Variants in GALNTL6 observed in about 807,000 individuals in gnomAD.
The protein encoded by GALNTL6 is polypeptide N-acetylgalactosaminyltransferase like 6.
GALNTL6 carries 46 observed loss-of-function variants against 73.7 expected under a neutral mutation model. The ratio of observed to expected loss-of-function variants is 0.62; its 90% confidence interval spans 0.49 to 0.80. GALNTL6 has a LOEUF of 0.80. Ranked by LOEUF, GALNTL6 falls within the 30% of genes least tolerant of loss-of-function variation. The pLI, the probability that GALNTL6 is intolerant of heterozygous loss-of-function variation, is 0.00. For missense variants in GALNTL6, 604 were observed against 755.0 expected (o/e 0.80, Z 2.34); for synonymous variants, 259 against 263.7 (o/e 0.98, Z 0.17).
At chr4:172,011,576 C>T (rs915502000) in intron 2 of GALNTL6, among the ~76,000 whole-genome samples, 2 of 151,872 alleles carry the variant, frequency 1.3e-5, no homozygotes, top group Admixed American at 1.3e-4. Context: ...TTTTAGGGCA[C>T]TTTTATTTTT....
At chr4:172,528,248 G>C (rs1190931429) in intron 5 of GALNTL6, among the ~76,000 whole-genome samples, 1 of 148,186 alleles carries the variant, frequency 6.7e-6, no homozygotes. Context: ...GCTCCTAGTT[G>C]CTGGCATGAG....
intron 2 of GALNTL6, among the ~76,000 whole-genome samples, chr4:171,949,794 A>G (rs1738815182): frequency 6.6e-6 from 1 of 152,216 alleles, no homozygotes; most frequent in Admixed American, 6.5e-5. Flanking sequence ...TAGAAATTTT[A>G]TATAAAATGA....
At chr4:172,642,286 T>C (rs1242734873) in intron 5 of GALNTL6, among the ~76,000 whole-genome samples, 6 of 152,206 alleles carry the variant, frequency 3.9e-5, no homozygotes. Flanking sequence ...TCCATATTCG[T>C]TGCAGCATTA....
At chr4:172,762,468 G>A (rs1738166837) in intron 5 of GALNTL6, among the ~76,000 whole-genome samples, 1 of 149,016 alleles carries the variant, frequency 6.7e-6, no homozygotes, top group Non-Finnish European at 1.5e-5. Flanking sequence ...AAAAAAAGGA[G>A]TAACATGAAA....
Position 172,617,175 on chromosome 4 carries a change from G to A in GALNTL6, c.554-192186G>A, listed in dbSNP as rs571586057. Among the ~76,000 whole-genome samples the A allele has an allele frequency of 2.6e-5, 4 of 152,040 alleles. No homozygotes were observed. The South Asian group carries it at 6.2e-4, about 24-fold the overall frequency. The stretch of plus-strand genomic sequence containing the variant: ...TGTGCGTAATTATAAGGCATTTTGG[G>A]TGTAGGATATATATAGCTGTACATT... On this transcript the variant is annotated intron_variant, in intron 5 of 12. Transcript: ENST00000506823.
At chr4:172,226,739 C>T (rs958560963) in intron 2 of GALNTL6, among the ~76,000 whole-genome samples, 2 of 151,924 alleles carry the variant, frequency 1.3e-5, no homozygotes, top group African/African-American at 2.4e-5. Flanking sequence ...CTTTTTCCTT[C>T]TGTCTCTAAT....
Position 172,475,159 on chromosome 4 carries a change from G to T in GALNTL6, c.553+126470G>T, listed in dbSNP as rs142805684. Among the ~76,000 whole-genome samples the T allele has an allele frequency of 4.7e-3, 721 of 152,298 alleles. 6 individuals carry two copies. The highest frequency in any genetic ancestry group is 0.016 in the African/African-American group (663 of 41,558). On this transcript the variant is annotated intron_variant, in intron 5 of 12. Transcript: ENST00000506823. ...TAGAAAGAATGTGTCACATCTCTCT[G>T]CACACCTACAAAATTGCTTATTTTG...
At chr4:172,842,736 G>A (rs1230888152) in intron 7 of GALNTL6, among the ~76,000 whole-genome samples, 1 of 151,498 alleles carries the variant, frequency 6.6e-6, no homozygotes, top group African/African-American at 2.4e-5. Context: ...GAGAGTAAGA[G>A]GGTTTCTCAT....
At chr4:172,224,106 A>G (rs1014100650) in intron 2 of GALNTL6, among the ~76,000 whole-genome samples, 3 of 152,196 alleles carry the variant, frequency 2.0e-5, no homozygotes, top group African/African-American at 7.2e-5. Context: ...AAATAACTCA[A>G]CTATCTATAA....
chr4:172,803,315 G>A (rs1422899419), intron 5 of GALNTL6, among the ~76,000 whole-genome samples: 1 of 152,208 alleles, frequency 6.6e-6, no homozygotes, highest in Non-Finnish European at 1.5e-5. Context: ...CAGATCAGCA[G>A]TGCCATTAGA....
At chr4:172,310,942 A>G (rs528320595) in intron 3 of GALNTL6, among the ~76,000 whole-genome samples, 1 of 152,112 alleles carries the variant, frequency 6.6e-6, no homozygotes, top group African/African-American at 2.4e-5. Flanking sequence ...TGCTTGAACA[A>G]TCATTTCACA....
intron 12 of GALNTL6, among the ~76,000 whole-genome samples, chr4:173,038,488 C>T (rs1370936284): frequency 1.3e-5 from 2 of 152,056 alleles, no homozygotes; most frequent in African/African-American, 4.8e-5. Context: ...GGGTCAGACA[C>T]GGGTGGAATT....
chr4:172,317,867 T>C (rs1007800619), intron 4 of GALNTL6, among the ~76,000 whole-genome samples: 11 of 152,202 alleles, frequency 7.2e-5, no homozygotes, highest in African/African-American at 2.7e-4. Flanking sequence ...TTAAGTACCT[T>C]CATTCAACAA....
chr4:172,147,901 G>A (rs997515185), intron 2 of GALNTL6, among the ~76,000 whole-genome samples: 1 of 152,070 alleles, frequency 6.6e-6, no homozygotes, highest in African/African-American at 2.4e-5. Flanking sequence ...AAATAACAGA[G>A]ACTTTTAATA....
At chr4:172,433,958 A>G (rs1731551288) in intron 5 of GALNTL6, among the ~76,000 whole-genome samples, 1 of 152,106 alleles carries the variant, frequency 6.6e-6, no homozygotes, top group Non-Finnish European at 1.5e-5. Context: ...ATACTCACAT[A>G]CATTTAATAC....
At position 172,765,922 on chromosome 4, in the gene GALNTL6, C is replaced by T. The variant is rs539513236; in HGVS notation, c.554-43439C>T. On this transcript the variant is annotated intron_variant, in intron 5 of 12. Coordinates refer to ENST00000506823, the MANE Select transcript of GALNTL6 (RefSeq NM_001034845.3). Reference sequence around the variant, plus strand: ...ATATTTTTTAAAAAAAGAAAAGACACCATATTTCAAGGCCATATTTCAGAG... The same window carrying T: ...ATATTTTTTAAAAAAAGAAAAGACATCATATTTCAAGGCCATATTTCAGAG... Among the ~76,000 whole-genome samples, 73 of 151,578 alleles carry T rather than the reference C, an allele frequency of 4.8e-4. No individual in the cohort carries two copies. The Middle Eastern group carries it at 0.017, about 35-fold the overall frequency.
At chr4:172,897,374 C>T (rs1386753474) in intron 8 of GALNTL6, among the ~76,000 whole-genome samples, 1 of 152,160 alleles carries the variant, frequency 6.6e-6, no homozygotes, top group African/African-American at 2.4e-5. Flanking sequence ...GCAATTCGCC[C>T]TCTGGGCCCT....
At chr4:172,359,419 T>A (rs191181166) in intron 5 of GALNTL6, among the ~76,000 whole-genome samples, 5 of 152,270 alleles carry the variant, frequency 3.3e-5, no homozygotes, top group Non-Finnish European at 7.4e-5. Context: ...GCTTAGTACC[T>A]GGGTGATGAA....
At chr4:173,015,312 G>A (rs1284316316) in intron 11 of GALNTL6, among the ~76,000 whole-genome samples, 1 of 152,218 alleles carries the variant, frequency 6.6e-6, no homozygotes, top group Non-Finnish European at 1.5e-5. Context: ...AGCAACTGTG[G>A]AACTGGGTAA....
Sources: gnomAD v4.1 joint callset for allele counts (sites outside exome capture counted in the v4.1 genomes callset) on GRCh38, gnomAD v4.1.1 for gene constraint, MANE v1.5 for transcripts, NCBI Gene and HGNC (gene_info 2026-07-23, HGNC 2026-07-21) for gene names.